The following TSHR variants were observed in gnomAD, a reference collection of about 807,000 sequenced individuals.
TSHR encodes the protein thyroid stimulating hormone receptor.
In TSHR, 51 loss-of-function variants were observed where a neutral mutation model predicts 64.1. The observed-to-expected ratio is 0.80, with a 90% CI of 0.64 to 1.01. The LOEUF (loss-of-function observed/expected upper bound fraction) is 1.01, where lower values mean the gene tolerates loss of function less well. TSHR is among the 50% of genes least tolerant of loss of function. The pLI is 0.00. For synonymous variants in TSHR, 361 were observed against 361.9 expected (o/e 1.00, Z 0.03); for missense variants, 877 against 942.8 (o/e 0.93, Z 0.91).
At chr14:81,090,293 G>A (rs1051817859) in intron 4 of TSHR, among the ~76,000 whole-genome samples, 6 of 152,182 alleles carry the variant, frequency 3.9e-5, no homozygotes, top group Non-Finnish European at 8.8e-5. Flanking sequence ...CACCCAGGCT[G>A]GAGTGCAGTG....
At chr14:80,978,123 A>ACACG (rs1301822978) in intron 1 of TSHR, among the ~76,000 whole-genome samples, 1 of 150,930 alleles carries the variant, frequency 6.6e-6, no homozygotes, top group East Asian at 1.9e-4. Context: ...ACACACACAC[A>ACACG]CACACACATG....
intron 3 of TSHR, among the ~76,000 whole-genome samples, chr14:81,068,965 T>C (rs760669032): frequency 2.0e-5 from 3 of 152,212 alleles, no homozygotes; most frequent in Non-Finnish European, 4.4e-5. Context: ...AATTTTTCTA[T>C]TTCGCTAGTA....
At position 81,143,020 on chromosome 14, in the gene TSHR, C is replaced by G. The variant is rs1891762851; in HGVS notation, c.962C>G (p.Pro321Arg). The change falls in exon 10 of 10, where the codon CCC (proline) becomes CGC (arginine). Residue 321 changes from proline (P) to arginine (R), a missense_variant. Pro to Arg is a moderately radical substitution (Grantham distance 103). Coordinates refer to ENST00000298171, the MANE Select transcript of TSHR (RefSeq NM_000369.5). ...QRKSVNALNS[P>R]LHQEYEENLG... ...AAATCTGTGAATGCCTTGAATAGCC[C>G]CCTCCACCAGGAATATGAAGAGAAT... The G allele has an allele frequency of 1.2e-6, 2 of 1,614,008 alleles. No individual in the cohort carries two copies. The highest frequency in any genetic ancestry group is 1.7e-6 in the Non-Finnish European group (2 of 1,180,036).
chr14:81,029,071 T>G (rs1429922663), intron 1 of TSHR, among the ~76,000 whole-genome samples: 1 of 151,844 alleles, frequency 6.6e-6, no homozygotes, highest in Non-Finnish European at 1.5e-5. Context: ...TAAAAAACAA[T>G]TTACCAAAAC....
At chr14:81,108,567 C>T in intron 8 of TSHR, 115 bp downstream of exon 8, 4 of 1,609,162 alleles carry the variant, frequency 2.5e-6, no homozygotes, top group Non-Finnish European at 3.4e-6. Context: ...ATGTTGCTGT[C>T]TCGGGTAAAG....
At chr14:81,059,199 T>G (rs1455033295) in intron 1 of TSHR, among the ~76,000 whole-genome samples, 1 of 152,210 alleles carries the variant, frequency 6.6e-6, no homozygotes, top group African/African-American at 2.4e-5. Flanking sequence ...ATTTCCTAGA[T>G]GCCATGCCCT....
intron 1 of TSHR, among the ~76,000 whole-genome samples, chr14:80,996,325 A>AG (rs1474868012): frequency 6.6e-6 from 1 of 151,936 alleles, no homozygotes; most frequent in Non-Finnish European, 1.5e-5. Flanking sequence ...CTTTCCTCCC[A>AG]GATTTGGATT....
chr14:81,026,517 C>A (rs1884062641), intron 1 of TSHR, among the ~76,000 whole-genome samples: 1 of 152,008 alleles, frequency 6.6e-6, no homozygotes, highest in South Asian at 2.1e-4. Context: ...AAAAGGGCAA[C>A]CACCAAAAAT....
intron 8 of TSHR, among the ~76,000 whole-genome samples, chr14:81,121,563 A>C (rs1334025769): frequency 6.6e-6 from 1 of 152,168 alleles, no homozygotes; most frequent in African/African-American, 2.4e-5. Flanking sequence ...GGATGACCAC[A>C]AAGGGAGGTC....
intron 1 of TSHR, among the ~76,000 whole-genome samples, chr14:80,989,700 G>C (rs1157421389): frequency 6.6e-6 from 1 of 152,044 alleles, no homozygotes; most frequent in Non-Finnish European, 1.5e-5. Context: ...TTGCATTTTA[G>C]TCTCACTTCT....
intron 7 of TSHR, chr14:81,104,449 A>G (rs1029303212): frequency 1.5e-5 from 15 of 985,424 alleles, no homozygotes; most frequent in Non-Finnish European, 1.6e-5. Flanking sequence ...AGCCAAGTTC[A>G]GCAGCAATAG....
intron 1 of TSHR, among the ~76,000 whole-genome samples, chr14:81,021,231 G>A (rs184778486): frequency 2.0e-4 from 30 of 152,046 alleles, no homozygotes; most frequent in Middle Eastern, 3.4e-3. Context: ...GTTGGGAACC[G>A]CTGCTCTAGA....
chr14:81,111,394 T>C (rs1456724297), intron 8 of TSHR, among the ~76,000 whole-genome samples: 10 of 152,226 alleles, frequency 6.6e-5, no homozygotes, highest in Non-Finnish European at 1.3e-4. Context: ...CGTCTCCAAA[T>C]CTGGCTCCTG....
rs117150833 is a variant in TSHR at position 81,025,308 on chromosome 14, C to T, written c.171-36840C>T. The stretch of plus-strand genomic sequence containing the variant: ...TATATTTCCAGGCCATATGGTTCAA[C>T]TGCAAGTTTTTAAAAATTGTTGCAA... On this transcript the variant is annotated intron_variant, in intron 1 of 9. Coordinates refer to ENST00000298171, the MANE Select transcript of TSHR (RefSeq NM_000369.5). 9.0e-3 allele frequency among the ~76,000 whole-genome samples: 1,362 copies of T among 152,172 alleles called. 14 individuals are homozygous for T. The highest frequency in any genetic ancestry group is 0.011 in the Non-Finnish European group (780 of 68,004).
intron 8 of TSHR, among the ~76,000 whole-genome samples, chr14:81,129,664 C>A (rs987021050): frequency 6.6e-6 from 1 of 152,214 alleles, no homozygotes; most frequent in Admixed American, 6.5e-5. Context: ...TCCACTTGAT[C>A]ACCTTGATTT....
rs188595168 is a variant in TSHR, at chr14:81,063,758, A to G, written c.242+1539A>G. The stretch of plus-strand genomic sequence containing the variant: ...GTTCAGTTTTATTCCTAAGAGAGTG[A>G]TGAGTATCATGATGGGGTCAGTTAT... On this transcript the variant is annotated intron_variant, in intron 2 of 9. Transcript: ENST00000298171. Among the ~76,000 whole-genome samples, 337 of 152,266 alleles carry G rather than the reference A, an allele frequency of 2.2e-3. 2 individuals are homozygous for G. Among genetic ancestry groups the G allele is most frequent in the African/African-American group, 7.8e-3 (324 of 41,566 alleles).
At chr14:81,006,577 A>G (rs1889616612) in intron 1 of TSHR, among the ~76,000 whole-genome samples, 1 of 151,760 alleles carries the variant, frequency 6.6e-6, no homozygotes, top group South Asian at 2.1e-4. Flanking sequence ...CAGTGGTGCA[A>G]TCTTGGCTCA....
intron 3 of TSHR, chr14:81,087,736 C>T (rs920097472): frequency 8.4e-6 from 5 of 593,754 alleles, no homozygotes; most frequent in South Asian, 7.7e-5. Context: ...ACCAAGCCAA[C>T]AATGCAAAAG....
chr14:81,011,938 G>T (rs1022613501), intron 1 of TSHR, among the ~76,000 whole-genome samples: 67 of 151,882 alleles, frequency 4.4e-4, no homozygotes, highest in African/African-American at 1.4e-3. Flanking sequence ...TTTATTTATT[G>T]ATTGATTTGT....
Sources: allele counts gnomAD v4.1 joint callset (sites outside exome capture counted in the v4.1 genomes callset), GRCh38; gene constraint gnomAD v4.1.1; transcripts MANE v1.5; gene names NCBI Gene and HGNC (gene_info 2026-07-23, HGNC 2026-07-21).